Variants in ISM1 observed in about 807,000 individuals in gnomAD.
ISM1 encodes the protein isthmin 1.
Under a neutral mutation model 46.3 loss-of-function variants are expected in ISM1, and 25 were observed. The observed-to-expected ratio is 0.54, with a 90% CI of 0.39 to 0.75. The LOEUF (loss-of-function observed/expected upper bound fraction) is 0.75, where lower values mean the gene tolerates loss of function less well. Ranked by LOEUF, ISM1 falls within the 30% of genes least tolerant of loss-of-function variation. The pLI is 0.00. For synonymous variants in ISM1, 255 were observed against 256.7 expected (o/e 0.99, Z 0.06); for missense variants, 536 against 625.4 (o/e 0.86, Z 1.52).
the ISM1 span, among the ~76,000 whole-genome samples, chr20:13,306,889 C>T: frequency 6.6e-6 from 1 of 152,188 alleles, no homozygotes; most frequent in African/African-American, 2.4e-5. Context: ...GACAGAATCT[C>T]CTGTCAAGAA....
At chr20:13,256,927 G>A (rs1447788432) in intron 1 of ISM1, among the ~76,000 whole-genome samples, 3 of 152,190 alleles carry the variant, frequency 2.0e-5, no homozygotes. Flanking sequence ...AGGTGGAGGT[G>A]TGGCTGTCAC....
At position 13,292,368 on chromosome 20, in the gene ISM1, G is replaced by A; in HGVS notation, c.788-6G>A. 1.9e-6 allele frequency: 3 copies of A among 1,584,966 alleles called. No homozygotes were observed. Among genetic ancestry groups the A allele is most frequent in the Non-Finnish European group, 2.6e-6 (3 of 1,161,780 alleles). On this transcript the variant is annotated splice_region_variant and splice_polypyrimidine_tract_variant and intron_variant, in intron 4 of 5. Coordinates refer to ENST00000262487, the MANE Select transcript of ISM1 (RefSeq NM_080826.2). The stretch of plus-strand genomic sequence containing the variant: ...GATGGAAAAATGAGCTCTTGTCTGT[G>A]TTTAGGAATTGAAGACACTTTTAGG...
intron 1 of ISM1, among the ~76,000 whole-genome samples, chr20:13,233,985 A>G (rs567836905): frequency 6.6e-6 from 1 of 152,296 alleles, no homozygotes; most frequent in Non-Finnish European, 1.5e-5. Flanking sequence ...TTACTTATAT[A>G]TATTTTGGGG....
At position 13,300,629 on chromosome 20, in the gene ISM1, T is replaced by TAATAA. The variant is rs575947457; in HGVS notation, c.*1174_*1178dup. 2.1e-4 allele frequency: 32 copies of TAATAA among 152,332 alleles called. No homozygotes were observed. The East Asian group carries it at 4.4e-3, about 21-fold the overall frequency. 9.4% of individuals were successfully genotyped at this position (152,332 alleles called of 1,614,324 possible). On this transcript the variant is annotated 3_prime_UTR_variant, in exon 6 of 6. Transcript: ENST00000262487. ...CAAAATTCTAGTAAAAGAGAGTATATAATAAAATCATAATAAAAGGTGTTA... is the reference window on the plus strand; with the variant it reads ...CAAAATTCTAGTAAAAGAGAGTATATAATAAAATAAAATCATAATAAAAGGTGTTA...
chr20:13,278,330 G>T (rs2040203237), intron 2 of ISM1, among the ~76,000 whole-genome samples: 1 of 152,178 alleles, frequency 6.6e-6, no homozygotes, highest in East Asian at 1.9e-4. Context: ...TGACCCTAAG[G>T]GTTAGTTGAG....
At chr20:13,282,249 G>A (rs139655705) in intron 3 of ISM1, among the ~76,000 whole-genome samples, 1 of 152,258 alleles carries the variant, frequency 6.6e-6, no homozygotes, top group East Asian at 1.9e-4. Flanking sequence ...CTCCGAGGAT[G>A]ACTTCATTGT....
chr20:13,254,511 G>A (rs145307599), intron 1 of ISM1, among the ~76,000 whole-genome samples: 190 of 152,262 alleles, frequency 1.2e-3, no homozygotes, highest in East Asian at 0.011. Context: ...CTAAACCCCT[G>A]CTGCTCTCTG....
At chr20:13,318,179 C>G in the ISM1 span, among the ~76,000 whole-genome samples, 1 of 69,524 alleles carries the variant, frequency 1.4e-5, no homozygotes. Context: ...GCCAAAGACT[C>G]TAACAGACAC....
chr20:13,263,115 G>T lies in ISM1; in HGVS notation c.139-7389G>T, dbSNP rs1207661354. On this transcript the variant is annotated intron_variant, in intron 1 of 5. Transcript: ENST00000262487. ...GGCCGTTTCCCCTCTGCCAGCAATAGTTCCTAAAGGGGCATTGCACTGTCA... is the reference window on the plus strand; with the variant it reads ...GGCCGTTTCCCCTCTGCCAGCAATATTTCCTAAAGGGGCATTGCACTGTCA... 5.9e-5 allele frequency among the ~76,000 whole-genome samples: 9 copies of T among 152,236 alleles called. No homozygotes were observed. In the East Asian group the frequency reaches 1.7e-3, roughly 29 times the overall value.
intron 4 of ISM1, among the ~76,000 whole-genome samples, chr20:13,292,049 TG>T (rs1377685611): frequency 6.6e-6 from 1 of 152,196 alleles, no homozygotes; most frequent in African/African-American, 2.4e-5. Flanking sequence ...CTACTGCCTC[TG>T]GTTTAGTTTG....
Position 13,221,804 on chromosome 20 carries a change from C to A in ISM1, c.28C>A (p.Leu10Met). 6.9e-7 allele frequency: 1 copy of A among 1,455,722 alleles called. No individual in the cohort carries two copies. Among genetic ancestry groups the A allele is most frequent in the Admixed American group, 2.5e-5 (1 of 40,150 alleles). The allele number at this position is 1,455,722 out of a possible 1,614,324, so 90.2% of individuals were successfully genotyped here. ...GGTGCGCCTGGCGGCCGAGCTGCTG[C>A]TGCTGCTGGGGCTGCTGCTGCTCAC... MVRLAAELL[L>M]LLGLLLLTLH... The change falls in exon 1 of 6, where the codon CTG (leucine) becomes ATG (methionine). Residue 10 changes from leucine (L) to methionine (M), a missense_variant. Leu to Met is a conservative substitution (Grantham distance 15). This residue lies in a region of ISM1 where 367 missense variants were observed against 376.1 expected (regional missense o/e 0.98). Coordinates refer to ENST00000262487, the MANE Select transcript of ISM1 (RefSeq NM_080826.2).
intron 1 of ISM1, among the ~76,000 whole-genome samples, chr20:13,238,348 A>G (rs981923427): frequency 2.0e-5 from 3 of 152,166 alleles, no homozygotes; most frequent in African/African-American, 7.2e-5. Flanking sequence ...AATCTACTTC[A>G]AACCAGAGGG....
intron 1 of ISM1, among the ~76,000 whole-genome samples, chr20:13,223,415 A>G (rs6134823): frequency 0.46 from 69,528 of 152,036 alleles, 18,286 homozygotes; most frequent in African/African-American, 0.74. Flanking sequence ...ATAATCTTAC[A>G]AGACATGGTA....
At chr20:13,242,252 G>A (rs2039734665) in intron 1 of ISM1, among the ~76,000 whole-genome samples, 1 of 152,160 alleles carries the variant, frequency 6.6e-6, no homozygotes, top group African/African-American at 2.4e-5. Flanking sequence ...GGAGGTCAAT[G>A]GTAAAGAAGA....
intron 3 of ISM1, among the ~76,000 whole-genome samples, chr20:13,282,407 C>G (rs1452365549): frequency 1.3e-5 from 2 of 152,176 alleles, no homozygotes; most frequent in Admixed American, 1.3e-4. Flanking sequence ...GTTTGAAGAC[C>G]ACCACTAGAA....
chr20:13,319,760 G>A, the ISM1 span, among the ~76,000 whole-genome samples: 110 of 152,348 alleles, frequency 7.2e-4, no homozygotes, highest in African/African-American at 2.5e-3. Context: ...ACACTCTAGA[G>A]GGTGAGAGAG....
the ISM1 span, among the ~76,000 whole-genome samples, chr20:13,311,216 TGATA>T: frequency 4.6e-3 from 611 of 133,290 alleles, 1 homozygote; most frequent in Non-Finnish European, 5.4e-3. Flanking sequence ...TATAGATAGA[TGATA>T]GATAGATAGA....
chr20:13,308,143 G>A, the ISM1 span, among the ~76,000 whole-genome samples: 5 of 152,018 alleles, frequency 3.3e-5, no homozygotes, highest in African/African-American at 7.3e-5. Flanking sequence ...AACTCAATAC[G>A]TGCATACTGA....
intron 1 of ISM1, among the ~76,000 whole-genome samples, chr20:13,225,049 T>G (rs1294080578): frequency 2.6e-5 from 4 of 150,950 alleles, no homozygotes; most frequent in Non-Finnish European, 5.9e-5. Context: ...GAGACGGGGT[T>G]TCACCGTGTT....
Sources: allele counts gnomAD v4.1 joint callset (sites outside exome capture counted in the v4.1 genomes callset), GRCh38; gene constraint gnomAD v4.1.1; regional missense constraint gnomAD v4.1.1; transcripts MANE v1.5; gene names NCBI Gene and HGNC (gene_info 2026-07-23, HGNC 2026-07-21).